LIPN: variants seen among roughly 807,000 people sequenced by gnomAD.
LIPN encodes the protein lipase member N.
A neutral mutation model predicts 43.7 loss-of-function variants in LIPN; 32 were observed. The observed-to-expected ratio is 0.73, with a 90% CI of 0.55 to 0.98. The LOEUF is 0.98. LIPN is among the 50% of genes least tolerant of loss of function. The pLI is 0.00. For synonymous variants in LIPN, 156 were observed against 157.6 expected (o/e 0.99, Z 0.08); for missense variants, 505 against 483.8 (o/e 1.04, Z -0.41).
intron 5 of LIPN, among the ~76,000 whole-genome samples, chr10:88,768,060 A>AGGAAGGGACC (rs1564581966): frequency 6.7e-5 from 8 of 119,256 alleles, no homozygotes. Flanking sequence ...ACACACACAC[A>AGGAAGGGACC]CATGCCAGTG....
chr10:88,758,322 G>T (rs1842951611), upstream of LIPN, among the ~76,000 whole-genome samples: 1 of 148,164 alleles, frequency 6.7e-6, no homozygotes. Flanking sequence ...CAGGCCTTCT[G>T]AAAGGTTACC....
At chr10:88,774,130 G>A (rs777372218) in intron 7 of LIPN, among the ~76,000 whole-genome samples, 1 of 151,982 alleles carries the variant, frequency 6.6e-6, no homozygotes, top group African/African-American at 2.4e-5. Context: ...CAGTGCACCT[G>A]GGTGCGCATG....
intron 7 of LIPN, 41 bp downstream of exon 7, chr10:88,771,032 A>G: frequency 1.4e-6 from 2 of 1,472,544 alleles, no homozygotes; most frequent in Non-Finnish European, 1.8e-6. Context: ...ACCTTAAGAA[A>G]TTCCAGCTTT....
intron 3 of LIPN, among the ~76,000 whole-genome samples, chr10:88,763,839 G>C (rs1056736944): frequency 5.9e-5 from 9 of 151,992 alleles, no homozygotes; most frequent in Admixed American, 6.6e-5. Context: ...TAGAAATTTG[G>C]TGAGGAACTA....
chr10:88,769,034 C>T, intron 6 of LIPN, 106 bp downstream of exon 6: 1 of 1,137,488 alleles, frequency 8.8e-7, no homozygotes, highest in East Asian at 2.4e-5. Context: ...TAGATAAAAT[C>T]TATAGAACTT....
intron 9 of LIPN, 104 bp from the exon 10 acceptor site, chr10:88,777,905 T>C: frequency 1.5e-6 from 1 of 653,928 alleles, no homozygotes; most frequent in Non-Finnish European, 2.7e-6. Flanking sequence ...ATGTTGCTGG[T>C]GCCTAACAGA....
upstream of LIPN, among the ~76,000 whole-genome samples, chr10:88,759,703 G>A (rs1842969014): frequency 1.3e-5 from 2 of 151,998 alleles, no homozygotes. Context: ...GGATCAAATG[G>A]GGAAGGGAGA....
intron 5 of LIPN, among the ~76,000 whole-genome samples, chr10:88,768,053 CA>C (rs1843139511): frequency 7.9e-5 from 11 of 138,728 alleles, no homozygotes; most frequent in Non-Finnish European, 1.5e-5. Flanking sequence ...CACACACACA[CA>C]CACACACATG....
intron 4 of LIPN, among the ~76,000 whole-genome samples, chr10:88,765,268 C>T (rs532936048): frequency 2.0e-5 from 3 of 151,950 alleles, no homozygotes; most frequent in Admixed American, 6.6e-5. Context: ...CTGATGCCTG[C>T]GATAGACTTT....
intron 1 of LIPN, 131 bp from the exon 2 acceptor site, chr10:88,761,267 T>C (rs1190900218): frequency 1.5e-6 from 1 of 645,984 alleles, no homozygotes; most frequent in Non-Finnish European, 2.8e-6. Context: ...ATTTATTCCT[T>C]TTTATACATT....
Position 88,778,706 on chromosome 10 carries a change from T to C in LIPN, c.*464T>C, listed in dbSNP as rs1015277028. On this transcript the variant is annotated 3_prime_UTR_variant, in exon 10 of 10. Transcript: ENST00000404459. ...AAGTTTCTTAGCTATCCTGAAGATG[T>C]ATAGACATTTTTACTTTTTTAGGTA... Among the ~76,000 whole-genome samples the C allele has an allele frequency of 6.6e-6, 1 of 152,172 alleles. No homozygotes were observed. Among genetic ancestry groups the C allele is most frequent in the Non-Finnish European group, 1.5e-5 (1 of 68,030 alleles).
chr10:88,757,449 T>C (rs1300636901), upstream of LIPN, among the ~76,000 whole-genome samples: 1 of 152,180 alleles, frequency 6.6e-6, no homozygotes, highest in African/African-American at 2.4e-5. Context: ...ATCTTTCCTT[T>C]GAACATTTTG....
chr10:88,772,204 G>C (rs1465060990), intron 7 of LIPN, among the ~76,000 whole-genome samples: 1 of 151,536 alleles, frequency 6.6e-6, no homozygotes, highest in Non-Finnish European at 1.5e-5. Flanking sequence ...TCATTCAACA[G>C]GTTCTTTAGT....
rs911957821 is a variant in LIPN, at chr10:88,768,727, A to G, written c.536-65A>G. The G allele has an allele frequency of 2.1e-6, 3 of 1,454,434 alleles. No homozygotes were observed. The African/African-American group carries it at 4.2e-5, about 21-fold the overall frequency. The allele number at this position is 1,454,434 out of a possible 1,614,324, so 90.1% of individuals were successfully genotyped here. A position where few individuals can be genotyped will look rare whatever the true frequency, so the allele number is the denominator to read the frequency against. On this transcript the variant is annotated intron_variant, in intron 5 of 9. Transcript: ENST00000404459. ...GAAAAAATGACTAAGCAGAGCCCCA[A>G]TTTTGTTAGAAACACTGCGTAAGTA...
chr10:88,767,984 G>GACA (rs1843135449), intron 5 of LIPN, among the ~76,000 whole-genome samples: 1 of 149,490 alleles, frequency 6.7e-6, no homozygotes, highest in Non-Finnish European at 1.5e-5. Context: ...TTCTGGCCAA[G>GACA]ACAGTTTTAA....
chr10:88,770,164 C>G (rs1160798969), intron 6 of LIPN, among the ~76,000 whole-genome samples: 1 of 151,800 alleles, frequency 6.6e-6, no homozygotes, highest in Non-Finnish European at 1.5e-5. Context: ...CAAGACCCCA[C>G]CAGGAATCCC....
chr10:88,778,165 T>G lies in LIPN; in HGVS notation c.1120T>G (p.Phe374Val), dbSNP rs192428186. Residue 374 changes from phenylalanine to valine, a missense_variant, in exon 10 of 10, where the codon TTT (phenylalanine) becomes GTT (valine). By Grantham distance (50) the Phe-to-Val change is conservative. Transcript: ENST00000404459. ...TAAGCTATTGCCAGATTGGAACCACTTTGATTTTGTCTGGGGCCTCGATGC... is the reference window on the plus strand; with the variant it reads ...TAAGCTATTGCCAGATTGGAACCACGTTGATTTTGTCTGGGGCCTCGATGC... ...YFKLLPDWNH[F>V]DFVWGLDAPQ... The G allele has an allele frequency of 6.2e-7, 1 of 1,613,470 alleles. No homozygotes were observed. The highest frequency in any genetic ancestry group is 8.5e-7 in the Non-Finnish European group (1 of 1,179,684).
chr10:88,762,071 C>G (rs954587878), intron 2 of LIPN, 117 bp from the exon 3 acceptor site: 2 of 512,144 alleles, frequency 3.9e-6, no homozygotes, highest in African/African-American at 1.9e-5. Context: ...TTACAGTTAC[C>G]TGGTGCTACA....
Position 88,761,498 on chromosome 10 carries a change from G to A in LIPN, c.93G>A (p.Glu31=). 6.2e-7 allele frequency: 1 copy of A among 1,609,532 alleles called. No homozygotes were observed. The highest frequency in any genetic ancestry group is 1.1e-5 in the South Asian group (1 of 90,938). The change falls in exon 2 of 10, where the codon GAG becomes GAA. Residue 31 remains glutamate, a synonymous_variant. Transcript: ENST00000404459. ...ATTTGGAAAATGAAGTGAATCCTGA[G>A]GTGTGGATGAATACTGTAAGTCATG... ...FLDLENEVNP[E]VWMNTSEIII... is the part of the protein sequence containing the mutation.
Sources: gnomAD v4.1 joint callset for allele counts (sites outside exome capture counted in the v4.1 genomes callset) on GRCh38, gnomAD v4.1.1 for gene constraint, MANE v1.5 for transcripts, NCBI Gene and HGNC (gene_info 2026-07-23, HGNC 2026-07-21) for gene names.